The following PCDHA5 variants were observed in gnomAD, a reference collection of about 807,000 sequenced individuals.
PCDHA5 encodes the protein protocadherin alpha-5.
A neutral mutation model predicts 61.6 loss-of-function variants in PCDHA5; 43 were observed. The ratio of observed to expected loss-of-function variants is 0.70; its 90% CI spans 0.55 to 0.90. The LOEUF (loss-of-function observed/expected upper bound fraction) is 0.90, where lower values mean the gene tolerates loss of function less well. Ranked by LOEUF, PCDHA5 falls within the 40% of genes least tolerant of loss-of-function variation. The pLI is 0.00. For synonymous variants in PCDHA5, 627 were observed against 543.9 expected, an observed-to-expected ratio of 1.15 and a Z score of -2.13; for missense variants, 1,298 against 1,222.7, an observed-to-expected ratio of 1.06 and a Z score of -0.92.
intron 3 of PCDHA5, among the ~76,000 whole-genome samples, chr5:140,987,261 T>C (rs1245588314): frequency 6.6e-6 from 1 of 151,964 alleles, no homozygotes; most frequent in African/African-American, 2.4e-5. Context: ...TTCTCAGGAA[T>C]GGGACCCGGC....
In PCDHA5 at chr5:140,884,064, C is replaced by A. The variant is rs150717183; in HGVS notation, c.2352+59937C>A. On this transcript the variant is annotated intron_variant, in intron 1 of 3. Transcript: ENST00000529859. ...GTGGCGAAGGTGCGCGCGGTGGACGCCGATTCGGGCTACAATGCGTGGCTT... is the reference window on the plus strand; with the variant it reads ...GTGGCGAAGGTGCGCGCGGTGGACGACGATTCGGGCTACAATGCGTGGCTT... 2.3e-3 allele frequency: 3,707 copies of A among 1,613,502 alleles called. 15 individuals carry two copies. Among genetic ancestry groups the A allele is most frequent in the Middle Eastern group, 9.0e-3 (54 of 5,970 alleles).
chr5:140,886,827 GAA>G (rs782016620), intron 1 of PCDHA5, among the ~76,000 whole-genome samples: 14 of 60,910 alleles, frequency 2.3e-4, no homozygotes, highest in Non-Finnish European at 3.3e-4. Context: ...ACTTCGTCTT[GAA>G]AAAAAAAAAA....
rs534013349 is a variant in PCDHA5, at chr5:140,881,427, A to G, written c.2352+57300A>G. ...AATCAATAGGATATTAGTTCCAGGC[A>G]TATTTTATAAAAACAGAATCCAAAA... On this transcript the variant is annotated intron_variant, in intron 1 of 3. Transcript: ENST00000529859. 6.5e-5 allele frequency: 58 copies of G among 895,354 alleles called. No individual in the cohort carries two copies. In the African/African-American group the frequency reaches 9.9e-4, roughly 15 times the overall value. The allele number at this position is 895,354 out of a possible 1,614,324, so 55.5% of individuals were successfully genotyped here. A position where few individuals can be genotyped will look rare whatever the true frequency, so the allele number is the denominator to read the frequency against.
chr5:141,000,499 C>T (rs2097942558), intron 3 of PCDHA5, among the ~76,000 whole-genome samples: 1 of 138,650 alleles, frequency 7.2e-6, no homozygotes, highest in African/African-American at 2.7e-5. Context: ...AAGATCTCGG[C>T]TCACTGCAAC....
chr5:140,967,003 C>T, intron 1 of PCDHA5: 1 of 1,605,342 alleles, frequency 6.2e-7, no homozygotes, highest in South Asian at 1.1e-5. Context: ...GCTTGCGCAT[C>T]AACCATCTGG....
chr5:140,886,828 A>G (rs74967108), intron 1 of PCDHA5, among the ~76,000 whole-genome samples: 4 of 133,052 alleles, frequency 3.0e-5, no homozygotes, highest in Non-Finnish European at 6.5e-5. Flanking sequence ...CTTCGTCTTG[A>G]AAAAAAAAAA....
chr5:140,872,902 C>G lies in PCDHA5; in HGVS notation c.2352+48775C>G, dbSNP rs78252676. ...TCATTCATCTCACTTTGTAACTGCT[C>G]TATCTTGTAATGCCTTATCTCTAAT... On this transcript the variant is annotated intron_variant, in intron 1 of 3. Coordinates refer to ENST00000529859, the MANE Select transcript of PCDHA5 (RefSeq NM_018908.3). Among the ~76,000 whole-genome samples, 460 of 152,278 alleles carry G rather than the reference C, an allele frequency of 3.0e-3. 1 individual carries two copies. The highest frequency in any genetic ancestry group is 9.4e-3 in the Admixed American group (143 of 15,288).
At chr5:140,959,815 C>T (rs1239999748) in intron 1 of PCDHA5, among the ~76,000 whole-genome samples, 1 of 151,920 alleles carries the variant, frequency 6.6e-6, no homozygotes, top group Non-Finnish European at 1.5e-5. Context: ...TATATTTTAC[C>T]CACATGATAA....
At chr5:141,001,388 TAC>T (rs1234412755) in intron 3 of PCDHA5, among the ~76,000 whole-genome samples, 4 of 152,238 alleles carry the variant, frequency 2.6e-5, no homozygotes, top group Non-Finnish European at 5.9e-5. Flanking sequence ...CCTAAGATCC[TAC>T]AGAGAACAGG....
At chr5:140,989,637 T>C (rs1274152423) in intron 3 of PCDHA5, among the ~76,000 whole-genome samples, 2 of 152,070 alleles carry the variant, frequency 1.3e-5, no homozygotes, top group African/African-American at 4.8e-5. Flanking sequence ...ACAGCAAGGG[T>C]CTTTCATGGC....
intron 1 of PCDHA5, chr5:140,836,150 T>C (rs1373246129): frequency 4.3e-6 from 7 of 1,613,640 alleles, no homozygotes; most frequent in Admixed American, 1.7e-5. Context: ...GCGCGGGCCA[T>C]GTGGTGGCGA....
At chr5:140,907,882 G>A (rs895415928) in intron 1 of PCDHA5, among the ~76,000 whole-genome samples, 1 of 152,168 alleles carries the variant, frequency 6.6e-6, no homozygotes, top group African/African-American at 2.4e-5. Flanking sequence ...GCACTCACAT[G>A]GGATACAAAT....
chr5:140,981,881 C>T lies in PCDHA5; in HGVS notation c.2412-594C>T, dbSNP rs138571007. Among the ~76,000 whole-genome samples the T allele has an allele frequency of 4.1e-3, 622 of 152,270 alleles. 4 individuals carry two copies. Among genetic ancestry groups the T allele is most frequent in the African/African-American group, 0.014 (590 of 41,550 alleles). ...CAGCAATGTTTTATGCTGAATTAAT[C>T]TCTTCTGAGCGGGGATCTGTGAGTG... On this transcript the variant is annotated intron_variant, in intron 2 of 3. Transcript: ENST00000529859.
At chr5:140,979,525 T>A (rs1347519268) in intron 2 of PCDHA5, among the ~76,000 whole-genome samples, 1 of 152,244 alleles carries the variant, frequency 6.6e-6, no homozygotes, top group Non-Finnish European at 1.5e-5. Flanking sequence ...TGTTGCTATC[T>A]TATTGTCATC....
intron 1 of PCDHA5, among the ~76,000 whole-genome samples, chr5:140,839,867 G>C (rs996407179): frequency 6.6e-6 from 1 of 151,988 alleles, no homozygotes; most frequent in African/African-American, 2.4e-5. Flanking sequence ...GGTGGACTTT[G>C]AAAGATGAAT....
intron 1 of PCDHA5, among the ~76,000 whole-genome samples, chr5:140,962,347 C>A (rs191780691): frequency 1.7e-4 from 26 of 152,244 alleles, no homozygotes; most frequent in African/African-American, 5.3e-4. Flanking sequence ...AAGTAAAACT[C>A]CCCCCAATAC....
At chr5:141,000,210 A>G (rs1475631796) in intron 3 of PCDHA5, among the ~76,000 whole-genome samples, 3 of 151,622 alleles carry the variant, frequency 2.0e-5, no homozygotes, top group Non-Finnish European at 2.9e-5. Context: ...CACCTTCATT[A>G]TCAAATGCCT....
chr5:140,882,449 C>T (rs782741434), intron 1 of PCDHA5: 1 of 1,614,022 alleles, frequency 6.2e-7, no homozygotes, highest in Admixed American at 1.7e-5. Context: ...GGAGCTGGTG[C>T]CGCGCCTGTT....
rs542615615 is a variant in PCDHA5, at chr5:140,855,959, A to G, written c.2352+31832A>G. 8 of 1,399,890 alleles carry G rather than the reference A, an allele frequency of 5.7e-6. No homozygotes were observed. In the East Asian group the frequency reaches 1.1e-4, roughly 20 times the overall value. The allele number at this position is 1,399,890 out of a possible 1,614,324, so 86.7% of individuals were successfully genotyped here. On this transcript the variant is annotated intron_variant, in intron 1 of 3. Transcript: ENST00000529859. Reference sequence around the variant, plus strand: ...GAGATCTCAGCCATTTCGATAAAAAATAGATATAAGAAATAGGACAGAAAA... The same window carrying G: ...GAGATCTCAGCCATTTCGATAAAAAGTAGATATAAGAAATAGGACAGAAAA...
Sources: allele counts gnomAD v4.1 joint callset (sites outside exome capture counted in the v4.1 genomes callset), GRCh38; gene constraint gnomAD v4.1.1; transcripts MANE v1.5; gene names NCBI Gene and HGNC (gene_info 2026-07-23, HGNC 2026-07-21).